The following CDH7 variants were observed in gnomAD, a reference collection of about 807,000 sequenced individuals.
CDH7 encodes the protein cadherin 7, also known as cadherin-7.
Under a neutral mutation model 71.8 loss-of-function variants are expected in CDH7, and 25 were observed. The observed-to-expected ratio is 0.35, with a 90% CI of 0.25 to 0.49. CDH7 has a LOEUF of 0.49. Among genes scored for constraint, CDH7 ranks in the 20% least tolerant of loss-of-function variants. CDH7 has a pLI of 0.99. For missense variants in CDH7, 862 were observed against 974.6 expected (o/e 0.88, Z 1.54); for synonymous variants, 381 against 363.8 (o/e 1.05, Z -0.54).
Position 65,885,832 on chromosome 18 carries a change from A to G in CDH7, c.*4938A>G, listed in dbSNP as rs1240110846. 1 of 152,190 alleles carries G rather than the reference A, an allele frequency of 6.6e-6. No homozygotes were observed. The highest frequency in any genetic ancestry group is 6.5e-5 in the Admixed American group (1 of 15,282). The allele number at this position is 152,190 out of a possible 1,614,324, so 9.4% of individuals were successfully genotyped here. A position where few individuals can be genotyped will look rare whatever the true frequency, so the allele number is the denominator to read the frequency against. ...AAAATATGGTACCGAATGAAAGGAG[A>G]AATATCTTATTTGCTGTAACAATCT... On this transcript the variant is annotated 3_prime_UTR_variant, in exon 12 of 12. Transcript: ENST00000397968.
intron 7 of CDH7, among the ~76,000 whole-genome samples, chr18:65,849,777 T>G (rs1472002820): frequency 6.6e-6 from 1 of 152,146 alleles, no homozygotes; most frequent in Non-Finnish European, 1.5e-5. Context: ...AAAGACTTTC[T>G]TAGTTACCTT....
chr18:65,832,260 TATC>T (rs1267904960), intron 6 of CDH7, among the ~76,000 whole-genome samples: 3 of 152,136 alleles, frequency 2.0e-5, no homozygotes, highest in Non-Finnish European at 4.4e-5. Flanking sequence ...TTGTGAAAAT[TATC>T]ATTGTATTTT....
intron 2 of CDH7, chr18:65,803,337 A>C (rs1476164325): frequency 1.3e-5 from 2 of 152,190 alleles, no homozygotes; most frequent in Non-Finnish European, 2.9e-5. Context: ...CAATATGAGT[A>C]GTATTTTTTC....
intron 2 of CDH7, among the ~76,000 whole-genome samples, chr18:65,763,589 A>G (rs992743826): frequency 9.6e-5 from 10 of 104,252 alleles, no homozygotes; most frequent in Non-Finnish European, 1.7e-4. Flanking sequence ...TTGTTTTGAT[A>G]GGGGGGTGTG....
At chr18:65,787,808 A>G (rs1487134860) in intron 2 of CDH7, among the ~76,000 whole-genome samples, 1 of 152,200 alleles carries the variant, frequency 6.6e-6, no homozygotes, top group African/African-American at 2.4e-5. Flanking sequence ...ACATAGCTAC[A>G]ATACTACAAT....
chr18:65,782,852 C>A (rs1910363780), intron 2 of CDH7, among the ~76,000 whole-genome samples: 1 of 152,148 alleles, frequency 6.6e-6, no homozygotes, highest in Admixed American at 6.5e-5. Flanking sequence ...ACATCACAGC[C>A]TTTTTGTGCC....
intron 7 of CDH7, among the ~76,000 whole-genome samples, chr18:65,855,965 A>C (rs1913339829): frequency 6.6e-6 from 1 of 152,092 alleles, no homozygotes; most frequent in Non-Finnish European, 1.5e-5. Context: ...ATATTAAGAA[A>C]TTAAAGAAGA....
intron 6 of CDH7, among the ~76,000 whole-genome samples, chr18:65,831,148 A>AGT (rs1912335431): frequency 6.6e-6 from 1 of 152,200 alleles, no homozygotes; most frequent in Non-Finnish European, 1.5e-5. Context: ...ATAATTTATT[A>AGT]CAATTTTGTC....
intron 6 of CDH7, among the ~76,000 whole-genome samples, chr18:65,842,700 AT>A (rs1265015350): frequency 3.3e-5 from 5 of 152,072 alleles, no homozygotes; most frequent in African/African-American, 1.2e-4. Flanking sequence ...GCGTGCCTGC[AT>A]ACATATACAC....
At chr18:65,773,610 A>G in intron 2 of CDH7, among the ~76,000 whole-genome samples, 1 of 152,094 alleles carries the variant, frequency 6.6e-6, no homozygotes, top group East Asian at 1.9e-4. Context: ...CATTTTTTTC[A>G]TTTATAAAAT....
intron 4 of CDH7, among the ~76,000 whole-genome samples, chr18:65,818,435 T>G (rs2143927901): frequency 6.6e-6 from 1 of 152,284 alleles, no homozygotes; most frequent in African/African-American, 2.4e-5. Flanking sequence ...GGGGGAGTAC[T>G]TCTCACCTAT....
chr18:65,859,589 T>C, intron 9 of CDH7, 119 bp from the exon 10 acceptor site: 1 of 632,362 alleles, frequency 1.6e-6, no homozygotes, highest in Non-Finnish European at 2.9e-6. Flanking sequence ...GGATCCTTTC[T>C]CCCTAGCTCA....
chr18:65,818,118 A>T (rs998765311), intron 4 of CDH7, among the ~76,000 whole-genome samples: 1 of 152,180 alleles, frequency 6.6e-6, no homozygotes, highest in East Asian at 1.9e-4. Flanking sequence ...GAGTATTTTT[A>T]AAATATAATG....
At chr18:65,814,070 A>G (rs577874928) in intron 3 of CDH7, among the ~76,000 whole-genome samples, 1 of 152,286 alleles carries the variant, frequency 6.6e-6, no homozygotes, top group South Asian at 2.1e-4. Flanking sequence ...TATACCTGCA[A>G]TTACTTGAGT....
At chr18:65,778,283 A>T (rs11877937) in intron 2 of CDH7, among the ~76,000 whole-genome samples, 93 of 98,058 alleles carry the variant, frequency 9.5e-4, no homozygotes, top group South Asian at 2.2e-3. Flanking sequence ...AAAAAAAAAA[A>T]AAAAAAAAAA....
At chr18:65,783,233 T>C (rs541522034) in intron 2 of CDH7, among the ~76,000 whole-genome samples, 14 of 152,298 alleles carry the variant, frequency 9.2e-5, no homozygotes, top group Non-Finnish European at 1.6e-4. Context: ...CAACATTCTG[T>C]TATTAGATAA....
chr18:65,800,717 T>G (rs1476910992), intron 2 of CDH7, among the ~76,000 whole-genome samples: 1 of 152,206 alleles, frequency 6.6e-6, no homozygotes, highest in Admixed American at 6.5e-5. Flanking sequence ...AATAGATGTT[T>G]ATAGAATATA....
At position 65,844,059 on chromosome 18, in the gene CDH7, C is replaced by T; in HGVS notation, c.1229C>T (p.Pro410Leu). ...CATGACCCAGATTCTTCCAATAGCC[C>T]TGTGAGGTAAAAACTCATTGTTGTC... is the stretch of plus-strand genomic sequence containing the variant. ...AAHDPDSSNS[P>L]VRYSIDRNTD... The change falls in exon 7 of 12, where the codon CCT becomes CTT. Residue 410 changes from proline to leucine, a missense_variant. Coordinates refer to ENST00000397968, the MANE Select transcript of CDH7 (RefSeq NM_004361.5). 1 of 1,612,040 alleles carries T rather than the reference C, an allele frequency of 6.2e-7. No individual in the cohort carries two copies. The highest frequency in any genetic ancestry group is 8.5e-7 in the Non-Finnish European group (1 of 1,178,980).
chr18:65,761,332 G>A (rs1916185868), intron 1 of CDH7, among the ~76,000 whole-genome samples: 1 of 147,638 alleles, frequency 6.8e-6, no homozygotes, highest in South Asian at 2.2e-4. Flanking sequence ...GTATATATTT[G>A]TTTCACATTT....
Sources: gnomAD v4.1 joint callset for allele counts (sites outside exome capture counted in the v4.1 genomes callset) on GRCh38, gnomAD v4.1.1 for gene constraint, MANE v1.5 for transcripts, NCBI Gene and HGNC (gene_info 2026-07-23, HGNC 2026-07-21) for gene names.